The following CSMD1 variants were observed in gnomAD, a reference collection of about 807,000 sequenced individuals.
CSMD1 encodes the protein CUB and Sushi multiple domains 1, also known as CUB and sushi domain-containing protein 1.
Under a neutral mutation model 417.5 loss-of-function variants are expected in CSMD1, and 213 were observed. The ratio of observed to expected loss-of-function variants is 0.51; its 90% CI spans 0.46 to 0.57. CSMD1 has a LOEUF of 0.57. Ranked by LOEUF, CSMD1 falls within the 20% of genes least tolerant of loss-of-function variation. CSMD1 has a pLI of 0.00. For missense variants in CSMD1, 6,923 were observed against 4,529.7 expected, an observed-to-expected ratio of 1.53 and a Z score of -15.17; for synonymous variants, 2,862 against 1,736.8, an observed-to-expected ratio of 1.65 and a Z score of -16.11.
chr8:2,951,047 C>G (rs902743720), intron 66 of CSMD1, 67 bp downstream of exon 66: 1 of 1,508,028 alleles, frequency 6.6e-7, no homozygotes, highest in South Asian at 1.3e-5. Context: ...TAGATCACCT[C>G]TCTGTGAAAA....
intron 2 of CSMD1, among the ~76,000 whole-genome samples, chr8:4,609,023 A>AC (rs1350071967): frequency 6.6e-6 from 1 of 152,038 alleles, no homozygotes; most frequent in African/African-American, 2.4e-5. Flanking sequence ...AAAAAAAAAA[A>AC]AAAAACATGA....
At chr8:4,797,866 G>A (rs184218358) in intron 1 of CSMD1, among the ~76,000 whole-genome samples, 1 of 152,120 alleles carries the variant, frequency 6.6e-6, no homozygotes, top group Non-Finnish European at 1.5e-5. Context: ...ATTTCCTCAT[G>A]GATTTTACGA....
At position 3,188,452 on chromosome 8, in the gene CSMD1, G is replaced by A. The variant is rs182858423; in HGVS notation, c.5523+435C>T. 1.3e-3 allele frequency among the ~76,000 whole-genome samples: 192 copies of A among 151,284 alleles called. 2 individuals are homozygous for A. In the Middle Eastern group the frequency reaches 0.014, roughly 11 times the overall value. ...CTCCCTAGCAGCTAGGATTACAGGC[G>A]TATACTACCATGCCTGGCTAGTTTT... On this transcript the variant is annotated intron_variant, in intron 35 of 69. Transcript: ENST00000635120.
chr8:4,061,879 C>A (rs562498598), intron 3 of CSMD1, among the ~76,000 whole-genome samples: 39 of 152,266 alleles, frequency 2.6e-4, no homozygotes, highest in African/African-American at 7.5e-4. Context: ...GACTTGACAA[C>A]TTCTGAGCAT....
chr8:3,039,287 T>TTTTCCTTTCTTCCTTCCTTCCC (rs1563266711), intron 50 of CSMD1, among the ~76,000 whole-genome samples: 31 of 143,752 alleles, frequency 2.2e-4, no homozygotes, highest in African/African-American at 8.3e-4. Context: ...CTTCCTTCTT[T>TTTTCCTTTCTTCCTTCCTTCCC]TCCTTACTTC....
intron 2 of CSMD1, among the ~76,000 whole-genome samples, chr8:4,538,021 C>G (rs1356747896): frequency 1.3e-5 from 2 of 152,162 alleles, no homozygotes; most frequent in African/African-American, 4.8e-5. Context: ...ATCTGAATCA[C>G]ATAACTGAGT....
chr8:4,172,896 G>A (rs1404590674), intron 3 of CSMD1, among the ~76,000 whole-genome samples: 2 of 152,124 alleles, frequency 1.3e-5, no homozygotes, highest in African/African-American at 2.4e-5. Context: ...CATTCCAGGA[G>A]TTGAGTCTGA....
intron 30 of CSMD1, among the ~76,000 whole-genome samples, chr8:3,211,046 A>C (rs761910533): frequency 2.0e-5 from 3 of 152,120 alleles, no homozygotes; most frequent in African/African-American, 7.2e-5. Flanking sequence ...ACCCAAAATT[A>C]CATCTTTTGT....
At chr8:3,719,128 T>C (rs1455171699) in intron 6 of CSMD1, among the ~76,000 whole-genome samples, 1 of 152,180 alleles carries the variant, frequency 6.6e-6, no homozygotes, top group Non-Finnish European at 1.5e-5. Context: ...TTGTGTCCTG[T>C]TCTATTAACT....
At chr8:3,031,938 A>C (rs1810367193) in intron 50 of CSMD1, among the ~76,000 whole-genome samples, 1 of 149,724 alleles carries the variant, frequency 6.7e-6, no homozygotes, top group Non-Finnish European at 1.5e-5. Context: ...TAGTATAGTG[A>C]CTGACAAATT....
intron 4 of CSMD1, among the ~76,000 whole-genome samples, chr8:4,009,587 A>C (rs1816388024): frequency 6.6e-6 from 1 of 152,206 alleles, no homozygotes; most frequent in South Asian, 2.1e-4. Flanking sequence ...TGTAATTCCA[A>C]CTCAATTTTT....
At chr8:3,786,499 C>T (rs949948525) in intron 5 of CSMD1, among the ~76,000 whole-genome samples, 1 of 152,106 alleles carries the variant, frequency 6.6e-6, no homozygotes, top group Non-Finnish European at 1.5e-5. Context: ...TGTCAGACAA[C>T]CTAGGAGTGG....
chr8:3,010,712 C>A (rs981557866), intron 52 of CSMD1, among the ~76,000 whole-genome samples: 1 of 151,880 alleles, frequency 6.6e-6, no homozygotes, highest in African/African-American at 2.4e-5. Flanking sequence ...AGTAATGTGC[C>A]TATATTTCCC....
chr8:4,208,911 T>A (rs1051578391), intron 3 of CSMD1, among the ~76,000 whole-genome samples: 4 of 152,182 alleles, frequency 2.6e-5, no homozygotes, highest in Admixed American at 6.6e-5. Context: ...TTTTTATATA[T>A]GCCCTGTAGA....
chr8:4,823,177 A>G (rs909104148), intron 1 of CSMD1, among the ~76,000 whole-genome samples: 7 of 152,024 alleles, frequency 4.6e-5, no homozygotes, highest in African/African-American at 1.7e-4. Context: ...TTCCTGTCAG[A>G]TCTGTTTAAG....
At chr8:4,755,028 C>T (rs746804690) in intron 1 of CSMD1, among the ~76,000 whole-genome samples, 2 of 152,066 alleles carry the variant, frequency 1.3e-5, no homozygotes, top group Non-Finnish European at 2.9e-5. Context: ...ATCCCAGCTA[C>T]TTGGGAGGCT....
intron 8 of CSMD1, among the ~76,000 whole-genome samples, chr8:3,610,979 T>C (rs1202278777): frequency 6.7e-6 from 1 of 149,726 alleles, no homozygotes; most frequent in Non-Finnish European, 1.5e-5. Context: ...AAAGGTGCAG[T>C]GTCACTTAAA....
intron 26 of CSMD1, among the ~76,000 whole-genome samples, chr8:3,230,790 C>T (rs1294609870): frequency 6.6e-6 from 1 of 152,118 alleles, no homozygotes; most frequent in African/African-American, 2.4e-5. Context: ...CTTTCACTCA[C>T]CCAAAAAATT....
At chr8:4,810,630 C>G (rs1249527746) in intron 1 of CSMD1, among the ~76,000 whole-genome samples, 2 of 152,068 alleles carry the variant, frequency 1.3e-5, no homozygotes, top group Non-Finnish European at 2.9e-5. Flanking sequence ...GGAAAATATG[C>G]AGATAATATG....
Sources: allele counts gnomAD v4.1 joint callset (sites outside exome capture counted in the v4.1 genomes callset), GRCh38; gene constraint gnomAD v4.1.1; transcripts MANE v1.5; gene names NCBI Gene and HGNC (gene_info 2026-07-23, HGNC 2026-07-21).